The following RPTOR variants were observed in gnomAD, a reference collection of about 807,000 sequenced individuals.
RPTOR encodes the protein regulatory associated protein of MTOR complex 1.
RPTOR carries 21 observed loss-of-function variants against 169.9 expected under a neutral mutation model. The observed-to-expected ratio is 0.12, with a 90% confidence interval of 0.09 to 0.18. RPTOR has a LOEUF of 0.18. Ranked by LOEUF, RPTOR falls within the 10% of genes least tolerant of loss-of-function variation. The pLI is 1.00. For missense variants in RPTOR, 1,133 were observed against 1,855.9 expected (o/e 0.61, Z 7.16); for synonymous variants, 732 against 753.2 (o/e 0.97, Z 0.46).
At chr17:80,800,549 A>C (rs2067146694) in intron 7 of RPTOR, among the ~76,000 whole-genome samples, 1 of 152,140 alleles carries the variant, frequency 6.6e-6, no homozygotes, top group South Asian at 2.1e-4. Flanking sequence ...TCTGGAAGTA[A>C]ATTATAGTGA....
intron 2 of RPTOR, among the ~76,000 whole-genome samples, chr17:80,641,952 C>G (rs75472274): frequency 0.054 from 8,292 of 152,160 alleles, 285 homozygotes; most frequent in Non-Finnish European, 0.082. Flanking sequence ...CATTTTACCC[C>G]CAACAGACAG....
intron 18 of RPTOR, 21 bp downstream of exon 18, chr17:80,891,858 A>C: frequency 1.3e-6 from 2 of 1,544,598 alleles, no homozygotes; most frequent in Non-Finnish European, 1.8e-6. Context: ...TTCTCCTGTG[A>C]ACCCGCAGAG....
chr17:80,838,422 C>T (rs764789065), intron 10 of RPTOR, among the ~76,000 whole-genome samples: 1 of 152,186 alleles, frequency 6.6e-6, no homozygotes, highest in Non-Finnish European at 1.5e-5. Context: ...CCGCACTGCA[C>T]GGGCGCTGGA....
intron 10 of RPTOR, among the ~76,000 whole-genome samples, chr17:80,843,425 A>AT (rs1003464623): frequency 8.1e-4 from 34 of 42,148 alleles, no homozygotes; most frequent in Admixed American, 3.9e-3. Context: ...TGTCTCAAAA[A>AT]AAAATTTTTT....
At chr17:80,826,974 C>T (rs563149793) in intron 9 of RPTOR, among the ~76,000 whole-genome samples, 4 of 152,328 alleles carry the variant, frequency 2.6e-5, no homozygotes, top group East Asian at 1.9e-4. Flanking sequence ...TGGCGACTGA[C>T]GTGAGCATGA....
At chr17:80,891,601 C>T (rs2068324869) in intron 17 of RPTOR, 119 bp from the exon 18 acceptor site, 1 of 702,268 alleles carries the variant, frequency 1.4e-6, no homozygotes, top group Non-Finnish European at 2.5e-6. Flanking sequence ...GTTTCTGATG[C>T]CAATTGCACG....
chr17:80,948,886 G>A (rs1362173087), intron 27 of RPTOR, among the ~76,000 whole-genome samples: 3 of 152,154 alleles, frequency 2.0e-5, no homozygotes, highest in Admixed American at 6.5e-5. Flanking sequence ...GCAGGGCAGT[G>A]CGTCCCTGCC....
chr17:80,553,398 C>T (rs746506536), intron 1 of RPTOR, among the ~76,000 whole-genome samples: 1 of 152,198 alleles, frequency 6.6e-6, no homozygotes, highest in Non-Finnish European at 1.5e-5. Context: ...AGTGAGCTGT[C>T]ACTTCAAGGA....
chr17:80,789,008 A>T (rs4969426), intron 6 of RPTOR, among the ~76,000 whole-genome samples: 101,022 of 152,126 alleles, frequency 0.66, 33,981 homozygotes, highest in African/African-American at 0.76. Flanking sequence ...AGTGACTGAT[A>T]TATCCATGCT....
At chr17:80,804,177 G>C (rs560929324) in intron 7 of RPTOR, 1 of 152,236 alleles carries the variant, frequency 6.6e-6, no homozygotes, top group Non-Finnish European at 1.5e-5. Flanking sequence ...GGCGTGACCC[G>C]CAGTGGCCGC....
chr17:80,577,106 G>A (rs1174383966), intron 1 of RPTOR, among the ~76,000 whole-genome samples: 3 of 149,830 alleles, frequency 2.0e-5, no homozygotes, highest in African/African-American at 4.9e-5. Context: ...ATCTCAGCTC[G>A]CTGCAACCTC....
chr17:80,640,702 G>T (rs1005683148), intron 2 of RPTOR, among the ~76,000 whole-genome samples: 28 of 152,140 alleles, frequency 1.8e-4, no homozygotes, highest in African/African-American at 6.8e-4. Context: ...GGAAGTGGCT[G>T]CCTCCTGCCA....
At chr17:80,862,552 A>ACCATGATGTCTGCTCCGCCCC (rs2067929636) in intron 13 of RPTOR, among the ~76,000 whole-genome samples, 1 of 147,048 alleles carries the variant, frequency 6.8e-6, no homozygotes, top group Non-Finnish European at 1.5e-5. Flanking sequence ...AGCTCCGCCC[A>ACCATGATGTCTGCTCCGCCCC]CCATGATGTC....
At chr17:80,561,240 TA>T (rs1328774141) in intron 1 of RPTOR, among the ~76,000 whole-genome samples, 47 of 9,338 alleles carry the variant, frequency 5.0e-3, no homozygotes, top group Admixed American at 0.018. Flanking sequence ...CCGGCTAATT[TA>T]TATATATATG....
chr17:80,756,537 G>A (rs2066682527), intron 6 of RPTOR, among the ~76,000 whole-genome samples: 2 of 152,274 alleles, frequency 1.3e-5, no homozygotes, highest in South Asian at 4.2e-4. Flanking sequence ...GTGAGATGGT[G>A]GAATAGAAGC....
chr17:80,733,044 A>G (rs2066405255), intron 5 of RPTOR, among the ~76,000 whole-genome samples: 1 of 152,272 alleles, frequency 6.6e-6, no homozygotes, highest in Non-Finnish European at 1.5e-5. Context: ...AAACATTAAC[A>G]CAAATATGAG....
rs1043873243 is a variant in RPTOR, at chr17:80,754,513, G to A, written c.830+328G>A. 2.6e-5 allele frequency among the ~76,000 whole-genome samples: 4 copies of A among 152,118 alleles called. No individual in the cohort carries two copies. The highest frequency in any genetic ancestry group is 5.9e-5 in the Non-Finnish European group (4 of 68,026). ...TACTGGAAACTGGACTTTCTTTCAG[G>A]GGAAGAAAAGGCTGTTATGAAAAAG... On this transcript the variant is annotated intron_variant, in intron 6 of 33. Transcript: ENST00000306801. This position sits in a 1 kb window ranked among gnomAD's most constrained non-coding sequence, Gnocchi z 4.2.
intron 3 of RPTOR, among the ~76,000 whole-genome samples, chr17:80,644,598 C>T (rs192989095): frequency 2.7e-4 from 41 of 152,284 alleles, no homozygotes; most frequent in Admixed American, 2.2e-3. Flanking sequence ...AGGTGCGCGT[C>T]TCCTGCAAGT....
At chr17:80,952,571 C>G (rs2069193164) in intron 28 of RPTOR, among the ~76,000 whole-genome samples, 1 of 152,224 alleles carries the variant, frequency 6.6e-6, no homozygotes, top group Admixed American at 6.5e-5. Flanking sequence ...AGCCAGGCTC[C>G]CCACGTCACC....
Sources: allele counts gnomAD v4.1 joint callset (sites outside exome capture counted in the v4.1 genomes callset), GRCh38; gene constraint gnomAD v4.1.1; non-coding constraint Gnocchi (gnomAD v3.1); transcripts MANE v1.5; gene names NCBI Gene and HGNC (gene_info 2026-07-23, HGNC 2026-07-21).